The following NUP188 variants were observed in gnomAD, a reference collection of about 807,000 sequenced individuals.
The protein encoded by NUP188 is nucleoporin 188, also known as nucleoporin NUP188.
A neutral mutation model predicts 223.0 loss-of-function variants in NUP188; 97 were observed. The observed-to-expected ratio is 0.43, with a 90% CI of 0.37 to 0.51. NUP188 has a LOEUF of 0.51. Among genes scored for constraint, NUP188 ranks in the 20% least tolerant of loss-of-function variants. The pLI is 0.00. For missense variants in NUP188, 1,947 were observed against 2,175.6 expected (o/e 0.89, Z 2.09); for synonymous variants, 869 against 828.0 (o/e 1.05, Z -0.85).
chr9:128,963,815 T>G (rs1284585905), intron 8 of NUP188, among the ~76,000 whole-genome samples: 2 of 124,180 alleles, frequency 1.6e-5, no homozygotes, highest in African/African-American at 3.7e-5. Flanking sequence ...TTATTGTGGG[T>G]TTTTTTTTTT....
Position 128,993,400 on chromosome 9 carries a change from A to C in NUP188, c.2844A>C (p.Ser948=), listed in dbSNP as rs1279750557. 4 of 1,614,022 alleles carry C rather than the reference A, an allele frequency of 2.5e-6. No individual in the cohort carries two copies. Among genetic ancestry groups the C allele is most frequent in the Non-Finnish European group, 2.5e-6 (3 of 1,179,966 alleles). The change falls in exon 26 of 44, where the codon TCA becomes TCC. Residue 948 remains serine (S), a synonymous_variant. Transcript: ENST00000372577. ...AAGTTAAGGATGGCAGTGATGGCTCAAAGGTAAGCCTGTAACCTGGGATGA... is the reference window on the plus strand; with the variant it reads ...AAGTTAAGGATGGCAGTGATGGCTCCAAGGTAAGCCTGTAACCTGGGATGA... ...NLEVKDGSDG[S]KEFSLGMWSC...
intron 3 of NUP188, among the ~76,000 whole-genome samples, chr9:128,955,714 CT>C (rs1176241509): frequency 6.6e-6 from 1 of 151,954 alleles, no homozygotes; most frequent in Non-Finnish European, 1.5e-5. Context: ...CTTCTTTTCA[CT>C]ATAAGATGCT....
intron 24 of NUP188, among the ~76,000 whole-genome samples, chr9:128,989,702 G>A (rs1842387273): frequency 6.6e-6 from 1 of 151,840 alleles, no homozygotes; most frequent in Admixed American, 6.6e-5. Context: ...ACGTGGTGGT[G>A]CACGCCAGTA....
intron 7 of NUP188, 36 bp from the exon 8 acceptor site, chr9:128,958,979 A>G (rs1448458721): frequency 6.9e-7 from 1 of 1,450,094 alleles, no homozygotes; most frequent in Non-Finnish European, 9.4e-7. Flanking sequence ...TTTACCTTTT[A>G]TTCTAGGTAT....
intron 15 of NUP188, 120 bp downstream of exon 15, chr9:128,981,510 T>C: frequency 9.9e-7 from 1 of 1,011,122 alleles, no homozygotes; most frequent in Non-Finnish European, 1.4e-6. Flanking sequence ...ATTCTTGGGC[T>C]CAAGTGATTC....
Position 129,005,431 on chromosome 9 carries a change from C to G in NUP188, c.4638C>G (p.Ala1546=). 1 of 1,609,416 alleles carries G rather than the reference C, an allele frequency of 6.2e-7. No individual in the cohort carries two copies. Among genetic ancestry groups the G allele is most frequent in the Admixed American group, 1.7e-5 (1 of 60,026 alleles). Residue 1546 remains alanine (A), a synonymous_variant, in exon 40 of 44, where the codon GCC becomes GCG. Transcript: ENST00000372577. The stretch of plus-strand genomic sequence containing the variant: ...ACACAGAGGCATCAGAGCAGCAGGC[C>G]TTGCACACAGTCCAGTATGGCCTTC... ...AADTEASEQQ[A]LHTVQYGLLK...
At position 128,983,507 on chromosome 9, in the gene NUP188, C is replaced by T; in HGVS notation, c.1918C>T (p.Pro640Ser). 1 of 1,614,144 alleles carries T rather than the reference C, an allele frequency of 6.2e-7. No homozygotes were observed. The highest frequency in any genetic ancestry group is 8.5e-7 in the Non-Finnish European group (1 of 1,180,006). Residue 640 changes from proline (P) to serine (S), a missense_variant, in exon 19 of 44, where the codon CCA becomes TCA. By Grantham distance (74) the Pro-to-Ser change is moderately conservative. Transcript: ENST00000372577. ...WTDLRHTGFL[P>S]FVAHPVSSLS... ...TGATCTTCGTCACACAGGTTTTTTA[C>T]CATTTGTGGCCCATCCTGTCTCCAG...
chr9:128,982,771 A>G, intron 16 of NUP188, 70 bp downstream of exon 16: 1 of 1,591,652 alleles, frequency 6.3e-7, no homozygotes, highest in Admixed American at 1.7e-5. Flanking sequence ...TTTAGAAAAT[A>G]GAATATCTAC....
chr9:128,990,182 G>A lies in NUP188; in HGVS notation c.2596G>A (p.Ala866Thr), dbSNP rs773723749. 1 of 1,614,076 alleles carries A rather than the reference G, an allele frequency of 6.2e-7. No homozygotes were observed. Among genetic ancestry groups the A allele is most frequent in the African/African-American group, 1.3e-5 (1 of 74,916 alleles). Reference sequence around the variant, plus strand: ...ATACATCTACCACAAACATGACCCTGCTTTGCCACGTCTTGCCATTCAGCT... The same window carrying A: ...ATACATCTACCACAAACATGACCCTACTTTGCCACGTCTTGCCATTCAGCT... The part of the protein sequence containing the change: ...AKYIYHKHDP[A>T]LPRLAIQLLK... The change falls in exon 25 of 44, where the codon GCT (alanine) becomes ACT (threonine). Residue 866 changes from alanine (A) to threonine (T), a missense_variant. This residue lies in a region of NUP188 where 225 missense variants were observed against 319.1 expected (regional missense o/e 0.71). Transcript: ENST00000372577.
rs746757390 is a variant in NUP188 at position 128,956,418 on chromosome 9, G to A, written c.230G>A (p.Arg77Lys). 6.3e-7 allele frequency: 1 copy of A among 1,575,072 alleles called. No individual in the cohort carries two copies. The highest frequency in any genetic ancestry group is 1.2e-5 in the South Asian group (1 of 83,278). ...TCACCATTGAAGGAACTGGGTTTAAGAATCAGCAAGTTTTTGGTGAGTAAA... is the reference window on the plus strand; with the variant it reads ...TCACCATTGAAGGAACTGGGTTTAAAAATCAGCAAGTTTTTGGTGAGTAAA... ...VASPLKELGL[R>K]ISKFLGLDEE... The change falls in exon 4 of 44, where the codon AGA becomes AAA. Residue 77 changes from arginine to lysine, a missense_variant. Physicochemically the swap from Arg to Lys is conservative, Grantham distance 26 (BLOSUM62 2). Around this residue, in one of 3 missense-constraint regions of NUP188, gnomAD observed 817 missense variants for 865.8 expected, o/e 0.94. Coordinates refer to ENST00000372577, the MANE Select transcript of NUP188 (RefSeq NM_015354.3).
chr9:128,984,108 C>T (rs1185892027), intron 19 of NUP188, among the ~76,000 whole-genome samples: 1 of 131,704 alleles, frequency 7.6e-6, no homozygotes, highest in Non-Finnish European at 1.6e-5. Context: ...AGGCGTGAGC[C>T]ACCGCGCCTG....
chr9:128,987,758 G>A (rs754686598), intron 23 of NUP188, 41 bp downstream of exon 23: 1 of 1,592,256 alleles, frequency 6.3e-7, no homozygotes, highest in Non-Finnish European at 8.5e-7. Context: ...TGTCTTTATT[G>A]TGCCTGCATG....
chr9:128,967,014 T>TTG (rs910129085), intron 8 of NUP188, among the ~76,000 whole-genome samples: 13 of 151,690 alleles, frequency 8.6e-5, no homozygotes, highest in African/African-American at 2.7e-4. Context: ...GGGAGGGTTT[T>TTG]TGTGTGTGTG....
At position 128,997,292 on chromosome 9, in the gene NUP188, A is replaced by C. The variant is rs572287369; in HGVS notation, c.3352-859A>C. The stretch of plus-strand genomic sequence containing the variant: ...ACTAGAGTGAGCACAGATGGGACTG[A>C]TACTACATCAGTTGGACCAGATCCT... On this transcript the variant is annotated intron_variant, in intron 30 of 43. Transcript: ENST00000372577. Among the ~76,000 whole-genome samples the C allele has an allele frequency of 1.9e-3, 293 of 152,286 alleles. 1 individual carries two copies. The highest frequency in any genetic ancestry group is 6.8e-3 in the African/African-American group (281 of 41,556).
chr9:128,986,980 G>A, intron 22 of NUP188, 105 bp downstream of exon 22: 1 of 937,510 alleles, frequency 1.1e-6, no homozygotes, highest in South Asian at 1.5e-5. Flanking sequence ...CCTTGCTTGA[G>A]CCCAGAACTC....
chr9:128,990,053 C>T (rs2131174150), intron 24 of NUP188, 67 bp from the exon 25 acceptor site: 5 of 1,220,760 alleles, frequency 4.1e-6, no homozygotes, highest in Non-Finnish European at 4.9e-6. Context: ...CTTTTTTGAA[C>T]AGTCAGTGCT....
chr9:128,981,278 G>A lies in NUP188; in HGVS notation c.1404G>A (p.Leu468=), dbSNP rs770959184. 1 of 1,613,800 alleles carries A rather than the reference G, an allele frequency of 6.2e-7. No homozygotes were observed. The highest frequency in any genetic ancestry group is 8.5e-7 in the Non-Finnish European group (1 of 1,179,866). Residue 468 remains leucine (L), a synonymous_variant, in exon 15 of 44, where the codon TTG becomes TTA. Coordinates refer to ENST00000372577, the MANE Select transcript of NUP188 (RefSeq NM_015354.3). ...KSTAKKVYSF[L]DKMSFYNELY... is the part of the protein sequence containing the mutation. Reference sequence around the variant, plus strand: ...TGTTTTGGCAGGTGTATAGCTTCTTGGATAAGATGTCTTTCTACAATGAAC... The same window carrying A: ...TGTTTTGGCAGGTGTATAGCTTCTTAGATAAGATGTCTTTCTACAATGAAC...
intron 34 of NUP188, among the ~76,000 whole-genome samples, chr9:129,000,701 T>G (rs1842633272): frequency 6.6e-6 from 1 of 151,942 alleles, no homozygotes; most frequent in Non-Finnish European, 1.5e-5. Context: ...GGGTAGGTAT[T>G]ATTAGTGAAA....
chr9:128,979,427 T>A, intron 13 of NUP188, 100 bp downstream of exon 13: 1 of 787,730 alleles, frequency 1.3e-6, no homozygotes, highest in Non-Finnish European at 2.1e-6. Context: ...TTTTCTCATT[T>A]AATCTTCATA....
Sources: allele counts gnomAD v4.1 joint callset (sites outside exome capture counted in the v4.1 genomes callset), GRCh38; gene constraint gnomAD v4.1.1; regional missense constraint gnomAD v4.1.1; transcripts MANE v1.5; gene names NCBI Gene and HGNC (gene_info 2026-07-23, HGNC 2026-07-21).